Variants in PCGF6 observed in about 807,000 individuals in gnomAD.
The protein encoded by PCGF6 is polycomb group RING finger protein 6.
Under a neutral mutation model 45.5 loss-of-function variants are expected in PCGF6, and 24 were observed. The ratio of observed to expected loss-of-function variants is 0.53; its 90% CI spans 0.38 to 0.74. PCGF6 has a LOEUF of 0.74. Among genes scored for constraint, PCGF6 ranks in the 30% least tolerant of loss-of-function variants. The probability of loss-of-function intolerance (pLI) is 0.00; values close to 1 mark genes in which losing one functional copy is unlikely to be tolerated. For missense variants in PCGF6, 356 were observed against 443.2 expected (o/e 0.80, Z 1.77); for synonymous variants, 152 against 162.1 (o/e 0.94, Z 0.47).
At chr10:103,326,436 A>C (rs184421187) in intron 8 of PCGF6, 98 bp downstream of exon 8, 10 of 744,910 alleles carry the variant, frequency 1.3e-5, no homozygotes, top group African/African-American at 1.8e-5. Context: ...AAACAAAAAT[A>C]ACAAAAATAA....
intron 9 of PCGF6, among the ~76,000 whole-genome samples, chr10:103,305,897 TAA>T (rs951962252): frequency 2.2e-5 from 3 of 136,928 alleles, no homozygotes; most frequent in Non-Finnish European, 4.8e-5. Flanking sequence ...TTATATAATT[TAA>T]AAAAAAAAAA....
chr10:103,343,657 A>C (rs2093288891), intron 6 of PCGF6, among the ~76,000 whole-genome samples: 1 of 151,802 alleles, frequency 6.6e-6, no homozygotes, highest in African/African-American at 2.4e-5. Flanking sequence ...ACATGGCAAA[A>C]CCCTGTCTCT....
Position 103,337,428 on chromosome 10 carries a change from C to G in PCGF6, c.783-3476G>C, listed in dbSNP as rs150011972. On this transcript the variant is annotated intron_variant, in intron 6 of 9. Transcript: ENST00000369847. ...TCACATGTTGATTCTTACAACAATC[C>G]TTTGAGTTGCTATTGTAACCTCCAG... Among the ~76,000 whole-genome samples, 714 of 152,208 alleles carry G rather than the reference C, an allele frequency of 4.7e-3. 8 individuals carry two copies. Among genetic ancestry groups the G allele is most frequent in the African/African-American group, 0.017 (696 of 41,508 alleles).
Position 103,333,126 on chromosome 10 carries a change from A to T in PCGF6, c.810+799T>A, listed in dbSNP as rs530419696. ...AGAGGAAGACTCCATTTAAAAAAAAAAAAAAAAAAAAATCATGAGGACTTA... is the reference window on the plus strand; with the variant it reads ...AGAGGAAGACTCCATTTAAAAAAAATAAAAAAAAAAAATCATGAGGACTTA... On this transcript the variant is annotated intron_variant, in intron 7 of 9. Transcript: ENST00000369847. 1.2e-4 allele frequency among the ~76,000 whole-genome samples: 18 copies of T among 151,946 alleles called. No homozygotes were observed. The South Asian group carries it at 3.5e-3, about 30-fold the overall frequency.
At chr10:103,344,501 C>T (rs2093292316) in intron 6 of PCGF6, among the ~76,000 whole-genome samples, 1 of 151,916 alleles carries the variant, frequency 6.6e-6, no homozygotes, top group African/African-American at 2.4e-5. Context: ...AAATCCTGAC[C>T]TCGTGATCCG....
chr10:103,322,549 A>G (rs2093201538), intron 8 of PCGF6, among the ~76,000 whole-genome samples: 1 of 151,354 alleles, frequency 6.6e-6, no homozygotes, highest in Non-Finnish European at 1.5e-5. Context: ...GGCTGGGCAC[A>G]GTGGCTCATG....
rs562178425 is a variant in PCGF6, at chr10:103,336,245, T to A, written c.783-2293A>T. ...TGAGACTGCGTCTCCAAAAAAAAAA[T>A]TTAAAAAAAAATAAATAAATAAAAA... is the stretch of plus-strand genomic sequence containing the variant. On this transcript the variant is annotated intron_variant, in intron 6 of 9. Transcript: ENST00000369847. Among the ~76,000 whole-genome samples, 495 of 148,988 alleles carry A rather than the reference T, an allele frequency of 3.3e-3. 2 individuals carry two copies. The highest frequency in any genetic ancestry group is 0.012 in the African/African-American group (480 of 40,546).
intron 6 of PCGF6, among the ~76,000 whole-genome samples, chr10:103,334,214 A>G (rs560979210): frequency 6.6e-6 from 1 of 152,170 alleles, no homozygotes; most frequent in South Asian, 2.1e-4. Context: ...TTTTGATGGA[A>G]AATATGAGAA....
chr10:103,336,225 C>T (rs1451722632), intron 6 of PCGF6, among the ~76,000 whole-genome samples: 1 of 149,540 alleles, frequency 6.7e-6, no homozygotes, highest in Non-Finnish European at 1.5e-5. Flanking sequence ...CAGAGTGAGA[C>T]TGCGTCTCCA....
At chr10:103,329,763 G>A (rs1021372957) in intron 7 of PCGF6, among the ~76,000 whole-genome samples, 6 of 151,790 alleles carry the variant, frequency 4.0e-5, no homozygotes, top group Admixed American at 1.3e-4. Flanking sequence ...GTGAGCCACC[G>A]TGCCCGGCCA....
chr10:103,341,912 C>T (rs1385603995), intron 6 of PCGF6, among the ~76,000 whole-genome samples: 5 of 151,980 alleles, frequency 3.3e-5, no homozygotes, highest in African/African-American at 1.2e-4. Context: ...GACTCCAGTG[C>T]CGCTTCCTAG....
intron 1 of PCGF6, among the ~76,000 whole-genome samples, chr10:103,350,263 G>A (rs1414476098): frequency 2.3e-5 from 3 of 130,762 alleles, no homozygotes; most frequent in African/African-American, 7.9e-5. Context: ...AGCCCTCCTC[G>A]CTACAAAAAA....
chr10:103,324,757 C>T (rs889219851), intron 8 of PCGF6, among the ~76,000 whole-genome samples: 2 of 120,602 alleles, frequency 1.7e-5, no homozygotes, highest in Admixed American at 9.1e-5. Flanking sequence ...GAGACTCCGC[C>T]TCAAAAAAAA....
intron 8 of PCGF6, among the ~76,000 whole-genome samples, chr10:103,325,228 T>C (rs915499689): frequency 6.6e-6 from 1 of 152,048 alleles, no homozygotes; most frequent in Non-Finnish European, 1.5e-5. Context: ...CTTCTCTAGG[T>C]GTCCTGAGCT....
chr10:103,321,529 G>A (rs2093197299), intron 8 of PCGF6, among the ~76,000 whole-genome samples: 1 of 152,020 alleles, frequency 6.6e-6, no homozygotes, highest in Non-Finnish European at 1.5e-5. Flanking sequence ...CTGGCTAAAT[G>A]GTGAAACCCT....
At position 103,322,989 on chromosome 10, in the gene PCGF6, G is replaced by A. The variant is rs2093203414; in HGVS notation, c.909+3545C>T. Among the ~76,000 whole-genome samples, 4 of 151,728 alleles carry A rather than the reference G, an allele frequency of 2.6e-5. No homozygotes were observed. In the South Asian group the frequency reaches 8.3e-4, roughly 32 times the overall value. ...TAGAATAATCTGTATTCTAGAGAGG[G>A]TCCTCCTGGGTATCACTTCTTTTTC... is the stretch of plus-strand genomic sequence containing the variant. On this transcript the variant is annotated intron_variant, in intron 8 of 9. Coordinates refer to ENST00000369847, the MANE Select transcript of PCGF6 (RefSeq NM_001011663.2).
intron 9 of PCGF6, among the ~76,000 whole-genome samples, chr10:103,306,655 A>T (rs1410736753): frequency 6.6e-6 from 1 of 152,194 alleles, no homozygotes; most frequent in Non-Finnish European, 1.5e-5. Context: ...TTACAGTAAA[A>T]ACTCACCAGA....
intron 6 of PCGF6, among the ~76,000 whole-genome samples, chr10:103,335,084 G>A (rs974653399): frequency 6.6e-6 from 1 of 151,924 alleles, no homozygotes; most frequent in Non-Finnish European, 1.5e-5. Flanking sequence ...AAGAGATAGG[G>A]TCTTGCTCTA....
At chr10:103,316,009 T>TACAGAGAGAG (rs1398812514) in intron 8 of PCGF6, among the ~76,000 whole-genome samples, 38 of 127,384 alleles carry the variant, frequency 3.0e-4, no homozygotes, top group African/African-American at 1.0e-3. Context: ...TATATATATA[T>TACAGAGAGAG]ATATAGAGAG....
Sources: gnomAD v4.1 joint callset for allele counts (sites outside exome capture counted in the v4.1 genomes callset) on GRCh38, gnomAD v4.1.1 for gene constraint, MANE v1.5 for transcripts, NCBI Gene and HGNC (gene_info 2026-07-23, HGNC 2026-07-21) for gene names.